The following ABCC2 variants were observed in gnomAD, a reference collection of about 807,000 sequenced individuals.
The protein encoded by ABCC2 is ATP binding cassette subfamily C member 2.
ABCC2 carries 157 observed loss-of-function variants against 173.4 expected under a neutral mutation model. That is an observed-to-expected ratio of 0.91 (90% CI 0.80 to 1.03). The LOEUF (loss-of-function observed/expected upper bound fraction) is 1.03. Among genes scored for constraint, ABCC2 ranks in the 50% least tolerant of loss-of-function variants. The probability of loss-of-function intolerance (pLI) is 0.00; values close to 1 mark genes in which losing one functional copy is unlikely to be tolerated. For synonymous variants in ABCC2, 657 were observed against 693.5 expected (o/e 0.95, Z 0.83); for missense variants, 1,822 against 1,852.3 (o/e 0.98, Z 0.30).
At chr10:99,847,233 G>C in intron 30 of ABCC2, 106 bp downstream of exon 30, 2 of 1,293,574 alleles carry the variant, frequency 1.5e-6, no homozygotes, top group Non-Finnish European at 2.2e-6. Flanking sequence ...TTTTCATCCA[G>C]GTCTGATTCC....
At position 99,850,769 on chromosome 10, in the gene ABCC2, G is replaced by C; in HGVS notation, c.4481G>C (p.Arg1494Thr). ...AHCTVITIAH[R>T]LHTIMDSDKV... ...TGCACAGTGATCACCATCGCCCACA[G>C]GCTGCACACCATCATGGACAGTGAC... Residue 1494 changes from arginine to threonine, a missense_variant, in exon 31 of 32, where the codon AGG (arginine) becomes ACG (threonine). Coordinates refer to ENST00000647814, the MANE Select transcript of ABCC2 (RefSeq NM_000392.5). 1 of 1,614,196 alleles carries C rather than the reference G, an allele frequency of 6.2e-7. No individual in the cohort carries two copies. Among genetic ancestry groups the C allele is most frequent in the Non-Finnish European group, 8.5e-7 (1 of 1,180,044 alleles).
intron 6 of ABCC2, 39 bp from the exon 7 acceptor site, chr10:99,797,058 A>G: frequency 6.3e-7 from 1 of 1,594,484 alleles, no homozygotes; most frequent in Non-Finnish European, 8.6e-7. Context: ...CCTCTGACCC[A>G]GCCTGGGGGT....
At chr10:99,830,943 C>T (rs866915777) in intron 21 of ABCC2, 92 bp downstream of exon 21, 1 of 1,415,168 alleles carries the variant, frequency 7.1e-7, no homozygotes, top group South Asian at 1.2e-5. Context: ...CGCATACTTA[C>T]AGGAGCAATA....
intron 12 of ABCC2, among the ~76,000 whole-genome samples, 200 bp downstream of exon 12, chr10:99,807,721 G>A (rs2038137759): frequency 1.3e-5 from 2 of 152,338 alleles, no homozygotes; most frequent in Middle Eastern, 3.4e-3. Context: ...TTCGTGTACT[G>A]TACGATGGTC....
At chr10:99,838,450 C>G in intron 25 of ABCC2, among the ~76,000 whole-genome samples, 1 of 86,934 alleles carries the variant, frequency 1.2e-5, no homozygotes, top group African/African-American at 4.2e-5. Context: ...ACCTCCCTCC[C>G]GGACGGGGCG....
intron 12 of ABCC2, 39 bp downstream of exon 12, chr10:99,807,560 G>A: frequency 1.2e-6 from 2 of 1,613,638 alleles, no homozygotes; most frequent in Non-Finnish European, 8.5e-7. Flanking sequence ...GTATTCACCT[G>A]GACCTGCATC....
rs764373164 is a variant in ABCC2, at chr10:99,819,234, T to C, written c.2585T>C (p.Phe862Ser). ...KGEFAKNLKT[F>S]LRHTGPEEEA... ...GAGTTTGCTAAGAATCTGAAGACATTTCTAAGACATACAGGCCCTGAAGAG... is the reference window on the plus strand; with the variant it reads ...GAGTTTGCTAAGAATCTGAAGACATCTCTAAGACATACAGGCCCTGAAGAG... Residue 862 changes from phenylalanine to serine, a missense_variant, in exon 19 of 32, where the codon TTT (phenylalanine) becomes TCT (serine). Transcript: ENST00000647814. 9 of 1,614,026 alleles carry C rather than the reference T, an allele frequency of 5.6e-6. No homozygotes were observed. The highest frequency in any genetic ancestry group is 7.6e-6 in the Non-Finnish European group (9 of 1,180,026).
intron 28 of ABCC2, among the ~76,000 whole-genome samples, chr10:99,844,686 G>T (rs1318894616): frequency 6.6e-6 from 1 of 152,228 alleles, no homozygotes; most frequent in East Asian, 1.9e-4. Flanking sequence ...CTTCTGCTCA[G>T]CTCCTCCCTG....
intron 11 of ABCC2, among the ~76,000 whole-genome samples, chr10:99,806,269 G>A (rs988639798): frequency 3.9e-5 from 6 of 152,134 alleles, no homozygotes; most frequent in African/African-American, 1.4e-4. Context: ...AAACTGCAGC[G>A]ATGGTAACTT....
chr10:99,798,990 C>T (rs551412130), intron 7 of ABCC2, among the ~76,000 whole-genome samples: 2 of 152,218 alleles, frequency 1.3e-5, no homozygotes, highest in Non-Finnish European at 2.9e-5. Flanking sequence ...AGCTTAGTTG[C>T]CTGGTTTTCT....
At chr10:99,835,346 A>G (rs1233278729) in intron 24 of ABCC2, among the ~76,000 whole-genome samples, 1 of 152,158 alleles carries the variant, frequency 6.6e-6, no homozygotes, top group African/African-American at 2.4e-5. Flanking sequence ...ACAAACAAGA[A>G]GCAGGGTTAT....
chr10:99,811,700 C>T (rs1055781494), intron 15 of ABCC2, 98 bp downstream of exon 15: 21 of 1,355,492 alleles, frequency 1.5e-5, no homozygotes, highest in Non-Finnish European at 2.0e-5. Flanking sequence ...GGGAAATGAG[C>T]TATGTGCATG....
In ABCC2 at chr10:99,844,394, C is replaced by T; in HGVS notation, c.3916C>T (p.Gln1306Ter). The change falls in exon 28 of 32, where the codon CAA (glutamine) becomes TAA (stop). Residue 1306 changes from glutamine to a stop codon, truncating the protein, a stop_gained. Coordinates refer to ENST00000647814, the MANE Select transcript of ABCC2 (RefSeq NM_000392.5). LOFTEE classifies it high-confidence loss of function. Reference protein sequence around the residue: ...SKGKIQFNNYQVRYRPELDLV... With the variant: ...SKGKIQFNNY ...AGGCAAGATCCAGTTTAACAACTAC[C>T]AAGTGCGGTACCGACCTGAGCTGGA... 1 of 1,614,230 alleles carries T rather than the reference C, an allele frequency of 6.2e-7. No homozygotes were observed. The highest frequency in any genetic ancestry group is 8.5e-7 in the Non-Finnish European group (1 of 1,180,042).
intron 2 of ABCC2, among the ~76,000 whole-genome samples, chr10:99,785,273 CAGTAGA>C (rs2037686134): frequency 6.6e-6 from 1 of 152,108 alleles, no homozygotes; most frequent in African/African-American, 2.4e-5. Context: ...TGATCACTCA[CAGTAGA>C]AGGAGGAGGG....
intron 19 of ABCC2, among the ~76,000 whole-genome samples, chr10:99,829,458 T>TA (rs397769925): frequency 6.6e-6 from 1 of 151,948 alleles, no homozygotes. Context: ...TGACCATTTT[T>TA]AATCATTATT....
At chr10:99,791,407 CA>C (rs538498038) in intron 2 of ABCC2, among the ~76,000 whole-genome samples, 205 of 152,224 alleles carry the variant, frequency 1.3e-3, no homozygotes, top group Non-Finnish European at 2.3e-3. Flanking sequence ...GACTCCGTCT[CA>C]AAACAAAAAC....
At chr10:99,839,555 CG>C (rs1437638498) in intron 25 of ABCC2, among the ~76,000 whole-genome samples, 2 of 23,300 alleles carry the variant, frequency 8.6e-5, no homozygotes, top group African/African-American at 5.4e-4. Context: ...GCTGGCCGGG[CG>C]GGGGGCTGAC....
chr10:99,795,364 A>T (rs989973334), intron 6 of ABCC2, among the ~76,000 whole-genome samples: 2 of 152,164 alleles, frequency 1.3e-5, no homozygotes, highest in African/African-American at 4.8e-5. Flanking sequence ...AATTACCATA[A>T]TTTTAAAGTA....
intron 19 of ABCC2, among the ~76,000 whole-genome samples, chr10:99,829,741 C>G (rs1486959671): frequency 6.6e-6 from 1 of 152,124 alleles, no homozygotes; most frequent in Non-Finnish European, 1.5e-5. Context: ...ATCCTCTCAC[C>G]TCAGCCTCCC....
Sources: allele counts gnomAD v4.1 joint callset (sites outside exome capture counted in the v4.1 genomes callset), GRCh38; gene constraint gnomAD v4.1.1; transcripts MANE v1.5; gene names NCBI Gene and HGNC (gene_info 2026-07-23, HGNC 2026-07-21).